Variants in SNTB1 observed in about 807,000 individuals in gnomAD.
SNTB1 encodes the protein syntrophin beta 1.
In SNTB1, 36 loss-of-function variants were observed where a neutral mutation model predicts 48.9. The observed-to-expected ratio is 0.74, with a 90% CI of 0.56 to 0.97. The LOEUF is 0.97. SNTB1 is among the 50% of genes least tolerant of loss of function. The pLI, the probability that SNTB1 is intolerant of heterozygous loss-of-function variation, is 0.00. For synonymous variants in SNTB1, 299 were observed against 294.6 expected, an observed-to-expected ratio of 1.01 and a Z score of -0.15; for missense variants, 786 against 703.4, an observed-to-expected ratio of 1.12 and a Z score of -1.33.
intron 2 of SNTB1, among the ~76,000 whole-genome samples, chr8:120,660,601 T>G (rs1817572545): frequency 6.6e-6 from 1 of 152,240 alleles, no homozygotes; most frequent in Non-Finnish European, 1.5e-5. Context: ...CTGTTTTGCT[T>G]TCTTATCATT....
In SNTB1 at chr8:120,632,447, T is replaced by C; in HGVS notation, c.993A>G (p.Glu331=). 6.2e-7 allele frequency: 1 copy of C among 1,613,902 alleles called. No individual in the cohort carries two copies. Among genetic ancestry groups the C allele is most frequent in the Non-Finnish European group, 8.5e-7 (1 of 1,179,994 alleles). The change falls in exon 3 of 7, where the codon GAA becomes GAG. Residue 331 remains glutamate, a synonymous_variant. Transcript: ENST00000517992. ...CAGAGGAAGGTATTTTCCTTACCTT[T>C]TCTGCAAGCCAGCCAAGATGCCTAA... is the stretch of plus-strand genomic sequence containing the variant. ...REIRHLGWLA[E]KVPGESKKQW...
chr8:120,707,935 C>T (rs1818406018), intron 1 of SNTB1, among the ~76,000 whole-genome samples: 1 of 151,896 alleles, frequency 6.6e-6, no homozygotes. Flanking sequence ...GTGACAATTA[C>T]ATCAGAATTG....
At chr8:120,714,106 G>A (rs756723351) in intron 1 of SNTB1, among the ~76,000 whole-genome samples, 1 of 152,056 alleles carries the variant, frequency 6.6e-6, no homozygotes, top group Non-Finnish European at 1.5e-5. Context: ...ATGTAAATTT[G>A]GCTTGTTTGG....
intron 3 of SNTB1, among the ~76,000 whole-genome samples, chr8:120,582,341 A>G (rs1164972953): frequency 6.6e-6 from 1 of 152,204 alleles, no homozygotes; most frequent in African/African-American, 2.4e-5. Context: ...AAAGGATTCA[A>G]GTCAATGGTC....
intron 5 of SNTB1, among the ~76,000 whole-genome samples, chr8:120,544,724 C>T (rs1815347941): frequency 6.6e-6 from 1 of 151,122 alleles, no homozygotes; most frequent in Non-Finnish European, 1.5e-5. Flanking sequence ...TCTGTTATTA[C>T]ACATGTAACC....
intron 2 of SNTB1, among the ~76,000 whole-genome samples, chr8:120,645,503 G>A (rs1176915155): frequency 2.0e-5 from 3 of 151,648 alleles, no homozygotes; most frequent in Admixed American, 1.3e-4. Context: ...TGAGAGCTCT[G>A]TTCTGTTCCA....
intron 3 of SNTB1, among the ~76,000 whole-genome samples, chr8:120,620,896 T>A (rs1322054149): frequency 1.1e-5 from 1 of 87,538 alleles, no homozygotes; most frequent in Admixed American, 1.5e-4. Flanking sequence ...CTCCCTTACC[T>A]CCATCCTTCC....
intron 4 of SNTB1, chr8:120,571,505 TTTTTTTTTTTG>T (rs1815850141): frequency 3.2e-6 from 1 of 315,408 alleles, no homozygotes; most frequent in African/African-American, 3.8e-5. Context: ...TTTTTTTTTT[TTTTTTTTTTTG>T]AGACAGAGTC....
At chr8:120,738,545 T>TTCCTTCCTTCCTTCCTTCCTTCC (rs1818987965) in intron 1 of SNTB1, among the ~76,000 whole-genome samples, 1 of 135,728 alleles carries the variant, frequency 7.4e-6, no homozygotes, top group Non-Finnish European at 1.6e-5. Context: ...TCCTTCCTTC[T>TTCCTTCCTTCCTTCCTTCCTTCC]TTCCTTCCTT....
intron 4 of SNTB1, among the ~76,000 whole-genome samples, chr8:120,565,242 GA>G (rs1338040536): frequency 6.6e-6 from 1 of 152,102 alleles, no homozygotes; most frequent in Non-Finnish European, 1.5e-5. Flanking sequence ...GAAAATAGAA[GA>G]GGGGTTAACA....
At chr8:120,639,088 C>A (rs1264008507) in intron 2 of SNTB1, among the ~76,000 whole-genome samples, 1 of 152,204 alleles carries the variant, frequency 6.6e-6, no homozygotes, top group Non-Finnish European at 1.5e-5. Context: ...GCCATTCTAA[C>A]TGGTGTGAGA....
intron 1 of SNTB1, among the ~76,000 whole-genome samples, chr8:120,712,651 G>C (rs1045506798): frequency 2.6e-5 from 4 of 152,090 alleles, no homozygotes; most frequent in African/African-American, 9.7e-5. Context: ...TAATAACATG[G>C]TAAACTTATT....
intron 1 of SNTB1, among the ~76,000 whole-genome samples, chr8:120,806,396 G>T (rs745368404): frequency 6.6e-5 from 10 of 152,188 alleles, no homozygotes; most frequent in Non-Finnish European, 1.3e-4. Flanking sequence ...TTAACATAAA[G>T]GTGCGAGCAT....
Position 120,693,705 on chromosome 8 carries a change from C to G in SNTB1, c.775G>C (p.Asp259His), listed in dbSNP as rs772200241. The change falls in exon 2 of 7, where the codon GAC becomes CAC. Residue 259 changes from aspartate to histidine, a missense_variant. Coordinates refer to ENST00000517992, the MANE Select transcript of SNTB1 (RefSeq NM_021021.4). ...CYVTRSMALA[D>H]PENRQLEIHS... ...GACCCTATTTACCTGTTCTCAGGGT[C>G]GGCCAAGGCCATACTCCGAGTGACG... The G allele has an allele frequency of 8.1e-6, 13 of 1,613,786 alleles. No homozygotes were observed. In the South Asian group the frequency reaches 1.2e-4, roughly 15 times the overall value.
intron 3 of SNTB1, among the ~76,000 whole-genome samples, chr8:120,585,475 C>A (rs1816124630): frequency 6.6e-6 from 1 of 152,236 alleles, no homozygotes; most frequent in South Asian, 2.1e-4. Context: ...AATCAAAACT[C>A]TTTATTCCCT....
intron 2 of SNTB1, among the ~76,000 whole-genome samples, chr8:120,682,606 A>C (rs1332254212): frequency 2.0e-5 from 3 of 152,214 alleles, no homozygotes; most frequent in African/African-American, 7.2e-5. Context: ...TCTAAGGCTA[A>C]CATCACCTCT....
Position 120,577,264 on chromosome 8 carries a change from G to A in SNTB1, c.997-2039C>T, listed in dbSNP as rs781510915. Reference sequence around the variant, plus strand: ...CTGAAGAAGTGCCCTCCCCGACTCCGCTGCTGTAAAGCTATTTATGCTGGA... The same window carrying A: ...CTGAAGAAGTGCCCTCCCCGACTCCACTGCTGTAAAGCTATTTATGCTGGA... On this transcript the variant is annotated intron_variant, in intron 3 of 6. Coordinates refer to ENST00000517992, the MANE Select transcript of SNTB1 (RefSeq NM_021021.4). Among the ~76,000 whole-genome samples, 9 of 152,098 alleles carry A rather than the reference G, an allele frequency of 5.9e-5. No individual in the cohort carries two copies. In the South Asian group the frequency reaches 6.2e-4, roughly 10 times the overall value.
intron 4 of SNTB1, among the ~76,000 whole-genome samples, chr8:120,552,495 T>C (rs1245629150): frequency 3.3e-5 from 5 of 152,204 alleles, no homozygotes; most frequent in African/African-American, 1.2e-4. Flanking sequence ...GTAGCTGGGA[T>C]TACAGGTGTG....
intron 3 of SNTB1, among the ~76,000 whole-genome samples, chr8:120,589,155 C>A (rs1816198090): frequency 6.6e-6 from 1 of 152,130 alleles, no homozygotes; most frequent in Non-Finnish European, 1.5e-5. Flanking sequence ...TGATGTGCAG[C>A]CTGCTTTGGG....
Sources: allele counts gnomAD v4.1 joint callset (sites outside exome capture counted in the v4.1 genomes callset), GRCh38; gene constraint gnomAD v4.1.1; transcripts MANE v1.5; gene names NCBI Gene and HGNC (gene_info 2026-07-23, HGNC 2026-07-21).